The following SNX29 variants were observed in gnomAD, a reference collection of about 807,000 sequenced individuals.
The protein encoded by SNX29 is sorting nexin-29.
SNX29 carries 78 observed loss-of-function variants against 102.1 expected under a neutral mutation model. That is an observed-to-expected ratio of 0.76 (90% CI 0.64 to 0.92). SNX29 has a LOEUF of 0.92. Ranked by LOEUF, SNX29 falls within the 40% of genes least tolerant of loss-of-function variation. The probability of loss-of-function intolerance (pLI) is 0.00; values close to 1 mark genes in which losing one functional copy is unlikely to be tolerated. For missense variants in SNX29, 1,280 were observed against 1,061.7 expected, an observed-to-expected ratio of 1.21 and a Z score of -2.86; for synonymous variants, 580 against 414.5, an observed-to-expected ratio of 1.40 and a Z score of -4.85.
intron 19 of SNX29, among the ~76,000 whole-genome samples, chr16:12,502,839 C>G (rs923246946): frequency 6.6e-6 from 1 of 152,138 alleles, no homozygotes; most frequent in Non-Finnish European, 1.5e-5. Flanking sequence ...TGCGATGTTT[C>G]CAGCCATCAT....
intron 14 of SNX29, among the ~76,000 whole-genome samples, chr16:12,247,972 C>G (rs1365878796): frequency 1.3e-5 from 2 of 152,152 alleles, no homozygotes; most frequent in Non-Finnish European, 2.9e-5. Flanking sequence ...GGGCTGACCC[C>G]TCTTCCCCTC....
intron 18 of SNX29, among the ~76,000 whole-genome samples, chr16:12,476,555 A>G (rs1175882467): frequency 2.0e-5 from 3 of 149,370 alleles, no homozygotes; most frequent in African/African-American, 4.9e-5. Context: ...TGATCTGATT[A>G]TAGGTTTGGT....
chr16:12,259,597 A>G (rs1373365667), intron 14 of SNX29, among the ~76,000 whole-genome samples: 1 of 152,190 alleles, frequency 6.6e-6, no homozygotes, highest in Non-Finnish European at 1.5e-5. Context: ...AGAGCCCTTG[A>G]ATATGATTGT....
chr16:11,985,964 C>G (rs1381164670), intron 1 of SNX29, among the ~76,000 whole-genome samples: 1 of 151,798 alleles, frequency 6.6e-6, no homozygotes, highest in African/African-American at 2.4e-5. Context: ...GCCACCATGC[C>G]TGGCTCATTA....
intron 11 of SNX29, among the ~76,000 whole-genome samples, chr16:12,099,121 T>C (rs2052897308): frequency 6.6e-6 from 1 of 152,226 alleles, no homozygotes; most frequent in Non-Finnish European, 1.5e-5. Flanking sequence ...GTTAGATACA[T>C]GGCTGTGGCT....
intron 13 of SNX29, among the ~76,000 whole-genome samples, chr16:12,172,920 G>C (rs1459085001): frequency 6.6e-6 from 1 of 152,202 alleles, no homozygotes; most frequent in Non-Finnish European, 1.5e-5. Flanking sequence ...TGCCATTGTA[G>C]TGTGAAAGCA....
chr16:12,520,697 A>G (rs2090064108), intron 19 of SNX29, among the ~76,000 whole-genome samples: 1 of 152,234 alleles, frequency 6.6e-6, no homozygotes, highest in African/African-American at 2.4e-5. Flanking sequence ...TAACTCAGGA[A>G]TGGAAAACCG....
intron 14 of SNX29, among the ~76,000 whole-genome samples, chr16:12,257,687 A>G (rs1446673457): frequency 2.7e-5 from 3 of 109,238 alleles, no homozygotes; most frequent in African/African-American, 4.3e-5. Context: ...CGGCTTATTT[A>G]AAATTTTTTT....
intron 20 of SNX29, among the ~76,000 whole-genome samples, chr16:12,556,165 C>G (rs1021685162): frequency 7.9e-5 from 12 of 152,148 alleles, no homozygotes; most frequent in Non-Finnish European, 4.4e-5. Context: ...CGCTTTGTCG[C>G]CATGACACAT....
rs7619 is a variant in SNX29, at chr16:12,574,022, A to G, written c.*5393A>G. On this transcript the variant is annotated 3_prime_UTR_variant, in exon 21 of 21. Coordinates refer to ENST00000566228, the MANE Select transcript of SNX29 (RefSeq NM_032167.5). Reference sequence around the variant, plus strand: ...GCACCCCCTTAAGGGTAAGCAGGCCACATATCTAGAGTCTGATAGTCTGTG... The same window carrying G: ...GCACCCCCTTAAGGGTAAGCAGGCCGCATATCTAGAGTCTGATAGTCTGTG... The G allele has an allele frequency of 0.24, 47,210 of 195,852 alleles. 5,969 individuals carry two copies. Among genetic ancestry groups the G allele is most frequent in the East Asian group, 0.43 (5,361 of 12,478 alleles). The allele number at this position is 195,852 out of a possible 1,614,324, so 12.1% of individuals were successfully genotyped here.
chr16:12,547,468 G>T (rs1006894723), intron 20 of SNX29, among the ~76,000 whole-genome samples: 1 of 152,114 alleles, frequency 6.6e-6, no homozygotes, highest in African/African-American at 2.4e-5. Flanking sequence ...CTGGGAAGGG[G>T]TATTCTCAAA....
At chr16:12,287,038 A>G (rs967986120) in intron 15 of SNX29, among the ~76,000 whole-genome samples, 1 of 152,070 alleles carries the variant, frequency 6.6e-6, no homozygotes, top group Non-Finnish European at 1.5e-5. Context: ...CCCCTGGCTC[A>G]CTCTTTCTCC....
intron 13 of SNX29, among the ~76,000 whole-genome samples, chr16:12,171,987 C>T (rs2076159706): frequency 6.6e-6 from 1 of 152,144 alleles, no homozygotes; most frequent in Admixed American, 6.5e-5. Flanking sequence ...TCTGAGATTG[C>T]CAGCAGACAT....
chr16:12,288,678 G>GGA (rs1047066361), intron 15 of SNX29, among the ~76,000 whole-genome samples: 3 of 107,010 alleles, frequency 2.8e-5, no homozygotes, highest in African/African-American at 1.0e-4. Context: ...GACATCTGGG[G>GGA]AAAAAAAAAA....
intron 11 of SNX29, among the ~76,000 whole-genome samples, chr16:12,101,246 G>A (rs1439849602): frequency 6.8e-6 from 1 of 147,538 alleles, no homozygotes; most frequent in Non-Finnish European, 1.5e-5. Flanking sequence ...TCAGGGCTCT[G>A]CATTATTTTC....
intron 18 of SNX29, among the ~76,000 whole-genome samples, chr16:12,468,250 C>G (rs1372300403): frequency 3.5e-5 from 5 of 142,244 alleles, no homozygotes; most frequent in African/African-American, 1.3e-4. Flanking sequence ...TCTCAGCTCA[C>G]TGTAACCTCT....
chr16:12,199,534 C>T (rs2076861379), intron 13 of SNX29, 67 bp from the exon 14 acceptor site: 2 of 1,379,866 alleles, frequency 1.4e-6, no homozygotes, highest in African/African-American at 1.4e-5. Flanking sequence ...CCCACCCCTG[C>T]CCCCTCCTGT....
rs558324473 is a variant in SNX29, at chr16:12,438,739, A to T, written c.2037+35210A>T. On this transcript the variant is annotated intron_variant, in intron 18 of 20. Transcript: ENST00000566228. ...AGAAAGCCCAGGGACTTTTGAGCAC[A>T]TTAAAATCAGAAGAGGTCACATTTG... 1.8e-3 allele frequency among the ~76,000 whole-genome samples: 272 copies of T among 152,368 alleles called. 1 individual carries two copies. Among genetic ancestry groups the T allele is most frequent in the African/African-American group, 6.4e-3 (267 of 41,594 alleles).
chr16:12,323,415 G>T (rs985839132), intron 15 of SNX29, among the ~76,000 whole-genome samples: 14 of 151,884 alleles, frequency 9.2e-5, no homozygotes, highest in Non-Finnish European at 1.5e-4. Flanking sequence ...AAGAAAACGA[G>T]CATCATTTGC....
Sources: gnomAD v4.1 joint callset for allele counts (sites outside exome capture counted in the v4.1 genomes callset) on GRCh38, gnomAD v4.1.1 for gene constraint, MANE v1.5 for transcripts, NCBI Gene and HGNC (gene_info 2026-07-23, HGNC 2026-07-21) for gene names.